APBB1IP: variants seen among roughly 807,000 people sequenced by gnomAD.
The protein encoded by APBB1IP is amyloid beta A4 precursor protein-binding family B member 1-interacting protein.
In APBB1IP, 27 loss-of-function variants were observed where a neutral mutation model predicts 64.9. That is an observed-to-expected ratio of 0.42 (90% CI 0.31 to 0.57). The LOEUF (loss-of-function observed/expected upper bound fraction) is 0.57, where lower values mean the gene tolerates loss of function less well. Among genes scored for constraint, APBB1IP ranks in the 20% least tolerant of loss-of-function variants. The pLI is 0.20. For synonymous variants in APBB1IP, 392 were observed against 331.0 expected (o/e 1.18, Z -2.00); for missense variants, 812 against 845.5 (o/e 0.96, Z 0.49).
chr10:26,555,053 A>G (rs1836878937), intron 11 of APBB1IP, among the ~76,000 whole-genome samples: 1 of 151,824 alleles, frequency 6.6e-6, no homozygotes, highest in South Asian at 2.1e-4. Context: ...ACATCCACCT[A>G]CTCTACCAAG....
intron 2 of APBB1IP, among the ~76,000 whole-genome samples, chr10:26,482,446 A>G (rs1456299647): frequency 6.6e-6 from 1 of 152,178 alleles, no homozygotes; most frequent in Non-Finnish European, 1.5e-5. Flanking sequence ...TACAACACTG[A>G]AGGAATCAGG....
chr10:26,458,574 G>A (rs1835553931), intron 2 of APBB1IP, among the ~76,000 whole-genome samples: 1 of 152,152 alleles, frequency 6.6e-6, no homozygotes, highest in Admixed American at 6.5e-5. Context: ...AACCTAAGTT[G>A]TATCTTAATA....
At chr10:26,544,736 T>C (rs888114487) in intron 11 of APBB1IP, among the ~76,000 whole-genome samples, 5 of 152,166 alleles carry the variant, frequency 3.3e-5, no homozygotes, top group African/African-American at 1.2e-4. Flanking sequence ...AACTGACACA[T>C]AAGTTTGGGA....
intron 5 of APBB1IP, among the ~76,000 whole-genome samples, chr10:26,502,351 A>G (rs1380549519): frequency 1.3e-5 from 2 of 152,192 alleles, no homozygotes; most frequent in African/African-American, 4.8e-5. Flanking sequence ...TTTAAATTTC[A>G]GTCTCTTGGG....
chr10:26,566,830 G>C, intron 14 of APBB1IP, 131 bp from the exon 15 acceptor site: 2 of 1,036,304 alleles, frequency 1.9e-6, no homozygotes, highest in Non-Finnish European at 2.7e-6. Context: ...CGAGGCTGCA[G>C]TAAGTCCAGA....
rs775669551 is a variant in APBB1IP at position 26,562,376 on chromosome 10, C to A, written c.1420C>A (p.His474Asn). 6.2e-7 allele frequency: 1 copy of A among 1,614,038 alleles called. No individual in the cohort carries two copies. The change falls in exon 14 of 15, where the codon CAT (histidine) becomes AAT (asparagine). Residue 474 changes from histidine to asparagine, a missense_variant. His to Asn is a moderately conservative substitution (Grantham distance 68). Transcript: ENST00000376236. The stretch of plus-strand genomic sequence containing the variant: ...CAATGGACAGATTCCCCAGGCTACA[C>A]ATTCTGTCAGTGCTGTTCTCCAAGA... ...QPNGQIPQAT[H>N]SVSAVLQEAQ...
chr10:26,491,759 G>GTTT lies in APBB1IP; in HGVS notation c.1-551_1-549dup, dbSNP rs11403116. On this transcript the variant is annotated intron_variant, in intron 2 of 14. Transcript: ENST00000376236. ...ACTCCTCACATCATTTTTGTGTAAG[G>GTTT]TTTTTTTTTTTTTTTTTTTGGAGAC... Among the ~76,000 whole-genome samples the GTTT allele has an allele frequency of 5.5e-4, 64 of 116,552 alleles. 3 individuals carry two copies. Among genetic ancestry groups the GTTT allele is most frequent in the East Asian group, 1.2e-3 (5 of 4,118 alleles). The allele number at this position is 116,552 out of a possible 152,430, so 76.5% of individuals were successfully genotyped here.
chr10:26,477,842 C>A (rs1336337541), intron 2 of APBB1IP, among the ~76,000 whole-genome samples: 2 of 152,144 alleles, frequency 1.3e-5, no homozygotes, highest in Non-Finnish European at 2.9e-5. Flanking sequence ...GTGATCCTCC[C>A]GCCTCAGCCT....
At chr10:26,502,685 T>G (rs1329004384) in intron 5 of APBB1IP, among the ~76,000 whole-genome samples, 3 of 151,902 alleles carry the variant, frequency 2.0e-5, no homozygotes, top group Non-Finnish European at 4.4e-5. Context: ...TTGGGGGCAT[T>G]AAGAACCCCT....
rs186351289 is a variant in APBB1IP, at chr10:26,468,231, T to C, written c.1-24096T>C. Reference sequence around the variant, plus strand: ...CAACTCCTCATCCCAAGAGAAATAATAGTCTCTCTTCTTTGGCTCCTTATT... The same window carrying C: ...CAACTCCTCATCCCAAGAGAAATAACAGTCTCTCTTCTTTGGCTCCTTATT... On this transcript the variant is annotated intron_variant, in intron 2 of 14. Coordinates refer to ENST00000376236, the MANE Select transcript of APBB1IP (RefSeq NM_019043.4). Among the ~76,000 whole-genome samples, 388 of 152,374 alleles carry C rather than the reference T, an allele frequency of 2.5e-3. 2 individuals carry two copies. Among genetic ancestry groups the C allele is most frequent in the African/African-American group, 8.7e-3 (363 of 41,592 alleles).
At chr10:26,464,131 A>C (rs1835623548) in intron 2 of APBB1IP, among the ~76,000 whole-genome samples, 1 of 151,996 alleles carries the variant, frequency 6.6e-6, no homozygotes, top group African/African-American at 2.4e-5. Context: ...TTTTTGCTTT[A>C]GTTACTCAGT....
At position 26,554,450 on chromosome 10, in the gene APBB1IP, G is replaced by A. The variant is rs778671638; in HGVS notation, c.1156-5655G>A. 3.3e-5 allele frequency among the ~76,000 whole-genome samples: 5 copies of A among 152,328 alleles called. No homozygotes were observed. In the South Asian group the frequency reaches 8.3e-4, roughly 25 times the overall value. On this transcript the variant is annotated intron_variant, in intron 11 of 14. Coordinates refer to ENST00000376236, the MANE Select transcript of APBB1IP (RefSeq NM_019043.4). Reference sequence around the variant, plus strand: ...CTGGCATTCCTTGGCTTGCAGCTGCGTGTGCCAATCTCTGCCTCCCTCAAC... The same window carrying A: ...CTGGCATTCCTTGGCTTGCAGCTGCATGTGCCAATCTCTGCCTCCCTCAAC...
At chr10:26,543,074 C>T (rs1299229119) in intron 11 of APBB1IP, among the ~76,000 whole-genome samples, 1 of 150,980 alleles carries the variant, frequency 6.6e-6, no homozygotes, top group Non-Finnish European at 1.5e-5. Context: ...AAGAAACCTG[C>T]CCTAGACAGA....
intron 8 of APBB1IP, among the ~76,000 whole-genome samples, chr10:26,524,433 A>G (rs1836444996): frequency 6.6e-6 from 1 of 152,174 alleles, no homozygotes; most frequent in Admixed American, 6.5e-5. Flanking sequence ...ATTATGACAA[A>G]ATATTTAAAG....
At chr10:26,512,455 T>G (rs1161477580) in intron 7 of APBB1IP, among the ~76,000 whole-genome samples, 1 of 152,198 alleles carries the variant, frequency 6.6e-6, no homozygotes, top group African/African-American at 2.4e-5. Context: ...AAGTGCTCAT[T>G]TCCCCTTCCT....
At chr10:26,563,848 CA>C (rs1429123444) in intron 14 of APBB1IP, among the ~76,000 whole-genome samples, 1 of 152,052 alleles carries the variant, frequency 6.6e-6, no homozygotes, top group African/African-American at 2.4e-5. Context: ...TTAATGTTCT[CA>C]TTATCTTCTC....
intron 10 of APBB1IP, among the ~76,000 whole-genome samples, chr10:26,538,367 G>C (rs1401748033): frequency 4.0e-5 from 6 of 151,530 alleles, no homozygotes; most frequent in Non-Finnish European, 7.4e-5. Flanking sequence ...TGCAGGCCAG[G>C]TGCGGTGGCT....
intron 2 of APBB1IP, among the ~76,000 whole-genome samples, chr10:26,443,819 G>T (rs563549329): frequency 7.2e-4 from 109 of 152,234 alleles, no homozygotes; most frequent in African/African-American, 2.5e-3. Flanking sequence ...TCACAGACAT[G>T]AGCCACTGTG....
intron 8 of APBB1IP, among the ~76,000 whole-genome samples, chr10:26,532,672 T>C (rs1030203285): frequency 3.3e-5 from 5 of 151,972 alleles, no homozygotes; most frequent in African/African-American, 1.2e-4. Flanking sequence ...TTATTTTTAG[T>C]AGAGACAGGG....
Sources: allele counts gnomAD v4.1 joint callset (sites outside exome capture counted in the v4.1 genomes callset), GRCh38; gene constraint gnomAD v4.1.1; transcripts MANE v1.5; gene names NCBI Gene and HGNC (gene_info 2026-07-23, HGNC 2026-07-21).